The following OSTN variants were observed in gnomAD, a reference collection of about 807,000 sequenced individuals.
OSTN encodes osteocrin.
Under a neutral mutation model 12.0 loss-of-function variants are expected in OSTN, and 9 were observed. That is an observed-to-expected ratio of 0.75 (90% CI 0.45 to 1.30). OSTN has a LOEUF of 1.30. OSTN is among the 50% of genes most tolerant of loss of function. OSTN has a pLI of 0.00. For missense variants in OSTN, 148 were observed against 152.3 expected (o/e 0.97, Z 0.15); for synonymous variants, 59 against 56.9 (o/e 1.04, Z -0.16).
intron 3 of OSTN, among the ~76,000 whole-genome samples, chr3:191,226,729 T>C (rs1026331897): frequency 4.6e-5 from 7 of 152,192 alleles, no homozygotes; most frequent in African/African-American, 1.7e-4. Flanking sequence ...CTCCATTTCA[T>C]ATGCAACTTT....
chr3:191,249,432 A>G (rs1481061633), intron 3 of OSTN, among the ~76,000 whole-genome samples: 1 of 152,210 alleles, frequency 6.6e-6, no homozygotes, highest in African/African-American at 2.4e-5. Flanking sequence ...GACTTTTTAT[A>G]CTTCATTTTA....
chr3:191,233,674 A>G (rs1168276441), intron 3 of OSTN, among the ~76,000 whole-genome samples: 1 of 152,134 alleles, frequency 6.6e-6, no homozygotes, highest in South Asian at 2.1e-4. Context: ...AATAGTATCT[A>G]CTATCTGACT....
At position 191,263,201 on chromosome 3, in the gene OSTN, A is replaced by C. The variant is rs1715850540; in HGVS notation, c.*348A>C. The C allele has an allele frequency of 4.3e-6, 1 of 232,648 alleles. No homozygotes were observed. The highest frequency in any genetic ancestry group is 8.3e-6 in the Non-Finnish European group (1 of 121,008). 14.4% of individuals were successfully genotyped at this position (232,648 alleles called of 1,614,324 possible). On this transcript the variant is annotated 3_prime_UTR_variant, in exon 5 of 5. Coordinates refer to ENST00000682035, the MANE Select transcript of OSTN (RefSeq NM_198184.2). ...TGCACATGTTTGTAGTCAAAGAATA[A>C]TAACAAAAGACAGATTTGCTTCTGT...
Position 191,218,828 on chromosome 3 carries a change from C to A in OSTN, c.184C>A (p.Leu62Ile). The A allele has an allele frequency of 1.9e-6, 3 of 1,614,088 alleles. No homozygotes were observed. The highest frequency in any genetic ancestry group is 2.5e-6 in the Non-Finnish European group (3 of 1,179,982). The change falls in exon 3 of 5, where the codon CTC (leucine) becomes ATC (isoleucine). Residue 62 changes from leucine to isoleucine, a missense_variant. Transcript: ENST00000682035. ...ATCAGCCACTGACCTGACAGCAAAA[C>A]TCTTGCTTCTTGATGAATTGGTGTC... ...EKSATDLTAK[L>I]LLLDELVSLE...
chr3:191,227,950 C>T (rs1295411049), intron 3 of OSTN, among the ~76,000 whole-genome samples: 2 of 151,802 alleles, frequency 1.3e-5, no homozygotes, highest in East Asian at 3.9e-4. Context: ...TTTTCCATGC[C>T]ACGAATCCCC....
chr3:191,212,268 G>A (rs1714477476), intron 1 of OSTN, among the ~76,000 whole-genome samples: 1 of 152,122 alleles, frequency 6.6e-6, no homozygotes, highest in Non-Finnish European at 1.5e-5. Context: ...TTCTCATATT[G>A]TGGGTCAGTT....
At chr3:191,214,143 T>C (rs1312058007) in intron 2 of OSTN, among the ~76,000 whole-genome samples, 1 of 151,966 alleles carries the variant, frequency 6.6e-6, no homozygotes, top group African/African-American at 2.4e-5. Context: ...AGAGAGAGAT[T>C]GGAGGTATCA....
chr3:191,229,356 A>G (rs1228391105), intron 3 of OSTN, among the ~76,000 whole-genome samples: 1 of 152,230 alleles, frequency 6.6e-6, no homozygotes, highest in Admixed American at 6.5e-5. Flanking sequence ...TTAAGTAACT[A>G]TTATTTACTT....
At chr3:191,224,852 A>G (rs2108537048) in intron 3 of OSTN, among the ~76,000 whole-genome samples, 1 of 152,226 alleles carries the variant, frequency 6.6e-6, no homozygotes, top group East Asian at 1.9e-4. Context: ...AGAAAAGAAA[A>G]TATTAGATAC....
At chr3:191,226,785 T>C (rs981636688) in intron 3 of OSTN, among the ~76,000 whole-genome samples, 2 of 152,186 alleles carry the variant, frequency 1.3e-5, no homozygotes, top group Non-Finnish European at 2.9e-5. Context: ...TAAAAGAATA[T>C]AGTTTGAATA....
chr3:191,250,116 G>T lies in OSTN; in HGVS notation c.397G>T (p.Gly133Cys), dbSNP rs770293345. Residue 133 changes from glycine (G) to cysteine (C), a missense_variant, in exon 4 of 5, where the codon GGC becomes TGC. Physicochemically the swap from Gly to Cys is radical, Grantham distance 159. Transcript: ENST00000682035. ...IGRNRLSNSRG is the reference protein window; with the variant it reads ...IGRNRLSNSRC Reference sequence around the variant, plus strand: ...TAGAAACCGGCTTTCAAATTCCAGAGGCTAATTGATTCCAATTGTGAGTAC... The same window carrying T: ...TAGAAACCGGCTTTCAAATTCCAGATGCTAATTGATTCCAATTGTGAGTAC... 6.2e-7 allele frequency: 1 copy of T among 1,608,302 alleles called. No individual in the cohort carries two copies. Among genetic ancestry groups the T allele is most frequent in the Non-Finnish European group, 8.5e-7 (1 of 1,174,768 alleles).
At chr3:191,247,150 G>A (rs1393238699) in intron 3 of OSTN, among the ~76,000 whole-genome samples, 2 of 152,160 alleles carry the variant, frequency 1.3e-5, no homozygotes, top group Non-Finnish European at 2.9e-5. Flanking sequence ...AATTTAAAAT[G>A]TAAAGGAGAC....
At chr3:191,208,719 A>G (rs1375052385) in intron 1 of OSTN, among the ~76,000 whole-genome samples, 1 of 152,258 alleles carries the variant, frequency 6.6e-6, no homozygotes, top group Non-Finnish European at 1.5e-5. Context: ...GTACATAAAA[A>G]TAGTTAAAGG....
chr3:191,216,336 T>C (rs1714611502), intron 2 of OSTN, among the ~76,000 whole-genome samples: 1 of 152,228 alleles, frequency 6.6e-6, no homozygotes, highest in African/African-American at 2.4e-5. Flanking sequence ...GGGGCTGCCA[T>C]GAAGACATCT....
intron 1 of OSTN, among the ~76,000 whole-genome samples, chr3:191,202,734 G>T (rs1310507706): frequency 6.6e-5 from 10 of 152,206 alleles, no homozygotes; most frequent in African/African-American, 2.4e-4. Flanking sequence ...TGCGTAAAAA[G>T]TTGCCTATGT....
At chr3:191,229,704 A>C (rs1327254487) in intron 3 of OSTN, 1 of 152,242 alleles carries the variant, frequency 6.6e-6, no homozygotes, top group Non-Finnish European at 1.5e-5. Context: ...GAATGCAATG[A>C]AACAAATTAA....
intron 4 of OSTN, among the ~76,000 whole-genome samples, chr3:191,253,879 C>T (rs12497986): frequency 0.26 from 39,318 of 152,104 alleles, 5,802 homozygotes; most frequent in East Asian, 0.41. Flanking sequence ...GAGTAAAATA[C>T]TTTTTATTTA....
At chr3:191,247,910 T>C (rs1715470140) in intron 3 of OSTN, among the ~76,000 whole-genome samples, 1 of 152,198 alleles carries the variant, frequency 6.6e-6, no homozygotes, top group South Asian at 2.1e-4. Context: ...CTCGGCTCAC[T>C]GCAAACTCAG....
At chr3:191,215,672 C>A (rs1250903353) in intron 2 of OSTN, among the ~76,000 whole-genome samples, 1 of 152,136 alleles carries the variant, frequency 6.6e-6, no homozygotes, top group Non-Finnish European at 1.5e-5. Flanking sequence ...GTTATTAAAC[C>A]TTTGGAGATC....
Sources: gnomAD v4.1 joint callset for allele counts (sites outside exome capture counted in the v4.1 genomes callset) on GRCh38, gnomAD v4.1.1 for gene constraint, MANE v1.5 for transcripts, NCBI Gene and HGNC (gene_info 2026-07-23, HGNC 2026-07-21) for gene names.